TPR: variants seen among roughly 807,000 people sequenced by gnomAD.
TPR encodes nucleoprotein TPR.
Under a neutral mutation model 316.1 loss-of-function variants are expected in TPR, and 51 were observed. That is an observed-to-expected ratio of 0.16 (90% CI 0.13 to 0.20). The LOEUF (loss-of-function observed/expected upper bound fraction) is 0.20, where lower values mean the gene tolerates loss of function less well. Ranked by LOEUF, TPR falls within the 10% of genes least tolerant of loss-of-function variation. The pLI is 1.00. For missense variants in TPR, 2,272 were observed against 2,754.8 expected (o/e 0.82, Z 3.92); for synonymous variants, 981 against 914.7 (o/e 1.07, Z -1.31).
At chr1:186,358,860 T>C (rs1220450073) in intron 12 of TPR, among the ~76,000 whole-genome samples, 1 of 152,120 alleles carries the variant, frequency 6.6e-6, no homozygotes, top group East Asian at 1.9e-4. Context: ...GGTAAAACCC[T>C]CACTTTCAAC....
intron 1 of TPR, among the ~76,000 whole-genome samples, chr1:186,374,293 G>T (rs1189145982): frequency 6.6e-6 from 1 of 152,036 alleles, no homozygotes; most frequent in Non-Finnish European, 1.5e-5. Context: ...GTAATTACAA[G>T]AAAATTTTAA....
intron 32 of TPR, 40 bp from the exon 33 acceptor site, chr1:186,336,734 A>C: frequency 6.3e-7 from 1 of 1,580,662 alleles, no homozygotes; most frequent in Non-Finnish European, 8.6e-7. Flanking sequence ...GAATTCAATC[A>C]TTTCAATATA....
intron 4 of TPR, among the ~76,000 whole-genome samples, chr1:186,363,848 C>G (rs76469621): frequency 0.19 from 28,441 of 152,060 alleles, 3,017 homozygotes; most frequent in African/African-American, 0.29. Flanking sequence ...ACAAACACTA[C>G]ACAACCCTAT....
rs1473409020 is a variant in TPR at position 186,346,277 on chromosome 1, T to A, written c.2954A>T (p.Glu985Val). 3 of 1,612,456 alleles carry A rather than the reference T, an allele frequency of 1.9e-6. No individual in the cohort carries two copies. Among genetic ancestry groups the A allele is most frequent in the South Asian group, 2.2e-5 (2 of 90,940 alleles). Residue 985 changes from glutamate to valine, a missense_variant, in exon 23 of 51, where the codon GAA becomes GTA. Around this residue, in one of 10 missense-constraint regions of TPR, gnomAD observed 757 missense variants for 859.8 expected, o/e 0.88. Coordinates refer to ENST00000367478, the MANE Select transcript of TPR (RefSeq NM_003292.3). Reference protein sequence around the residue: ...SLNKEKQVTEEVRKNIEVRLK... With the variant: ...SLNKEKQVTEVVRKNIEVRLK... ...ACGAACTTCAATATTCTTACGCACT[T>A]CTTCTGTCACCTTTACCATATTACA...
rs1571597296 is a variant in TPR at position 186,318,599 on chromosome 1, A to G, written c.6669T>C (p.Thr2223=). ...CAGAGGTGGTGCTCTCAGTAAATAC[A>G]GTCACTTTAAAAAGACAACACAAGA... ...TTPLQVAAPV[T]VFTESTTSDA... The change falls in exon 48 of 51, where the codon ACT becomes ACC. Residue 2223 remains threonine, a synonymous_variant. Coordinates refer to ENST00000367478, the MANE Select transcript of TPR (RefSeq NM_003292.3). The G allele has an allele frequency of 4.4e-6, 7 of 1,607,366 alleles. No homozygotes were observed. The highest frequency in any genetic ancestry group is 1.3e-5 in the African/African-American group (1 of 74,466).
intron 2 of TPR, among the ~76,000 whole-genome samples, chr1:186,372,513 G>C (rs891341568): frequency 6.6e-6 from 1 of 151,824 alleles, no homozygotes; most frequent in African/African-American, 2.4e-5. Flanking sequence ...CTGCATTCCA[G>C]CCTGGGCAAC....
At chr1:186,336,944 T>C (rs970308144) in intron 32 of TPR, 69 bp downstream of exon 32, 17 of 1,593,090 alleles carry the variant, frequency 1.1e-5, no homozygotes, top group Admixed American at 5.1e-5. Context: ...AAAGTGTCAG[T>C]AGTTAACACA....
At chr1:186,343,588 T>G (rs1428385844) in intron 26 of TPR, 115 bp from the exon 27 acceptor site, 1 of 940,254 alleles carries the variant, frequency 1.1e-6, no homozygotes, top group Non-Finnish European at 1.5e-6. Flanking sequence ...ATTACACGTT[T>G]TCATTAATAA....
intron 20 of TPR, among the ~76,000 whole-genome samples, chr1:186,350,675 G>A (rs1017577455): frequency 2.6e-5 from 4 of 152,160 alleles, no homozygotes; most frequent in African/African-American, 9.7e-5. Flanking sequence ...GAGACTCTCT[G>A]AATTGAGAAC....
rs777067069 is a variant in TPR, at chr1:186,318,834, G to A, written c.6569-6C>T. 9 of 1,611,860 alleles carry A rather than the reference G, an allele frequency of 5.6e-6. No individual in the cohort carries two copies. In the Admixed American group the frequency reaches 1.5e-4, roughly 27 times the overall value. On this transcript the variant is annotated splice_polypyrimidine_tract_variant and splice_region_variant and intron_variant, in intron 46 of 50. Transcript: ENST00000367478. ...TGTTTCATACATTCCTAAACCTAAA[G>A]ACAATTCTGAATATTAATGAATGAC...
intron 5 of TPR, 138 bp from the exon 6 acceptor site, chr1:186,363,139 G>C (rs1339214292): frequency 7.3e-6 from 8 of 1,091,498 alleles, no homozygotes; most frequent in Non-Finnish European, 1.0e-5. Context: ...TTCTTAACTA[G>C]AAAACATTAA....
In TPR at chr1:186,337,108, C is replaced by A. The variant is rs773346124; in HGVS notation, c.4411G>T (p.Val1471Phe). The A allele has an allele frequency of 6.2e-7, 1 of 1,613,834 alleles. No individual in the cohort carries two copies. Among genetic ancestry groups the A allele is most frequent in the South Asian group, 1.1e-5 (1 of 91,080 alleles). Residue 1471 changes from valine (V) to phenylalanine (F), a missense_variant, in exon 32 of 51, where the codon GTT becomes TTT. Around this residue, in one of 10 missense-constraint regions of TPR, gnomAD observed 101 missense variants for 113.0 expected, o/e 0.89. Coordinates refer to ENST00000367478, the MANE Select transcript of TPR (RefSeq NM_003292.3). ...QSSGDHQEQH[V>F]SVQEMQELKE... ...AGTTCCTGCATTTCCTGGACTGAAA[C>A]ATGCTGCTCCTGATGGTCTCCAGAG...
intron 1 of TPR, 60 bp downstream of exon 1, chr1:186,374,818 C>G (rs577955240): frequency 2.6e-6 from 4 of 1,541,280 alleles, no homozygotes; most frequent in South Asian, 1.2e-5. Flanking sequence ...TGGGGGAAGA[C>G]CAGACCCAAA....
chr1:186,349,730 A>G (rs183808846), intron 21 of TPR, among the ~76,000 whole-genome samples: 1 of 152,188 alleles, frequency 6.6e-6, no homozygotes, highest in Admixed American at 6.5e-5. Context: ...AAGGCTTCGA[A>G]CTTGAAAGAT....
In TPR at chr1:186,332,259, G is replaced by C; in HGVS notation, c.5540C>G (p.Ser1847Cys). The C allele has an allele frequency of 6.2e-7, 1 of 1,612,742 alleles. No individual in the cohort carries two copies. The highest frequency in any genetic ancestry group is 8.5e-7 in the Non-Finnish European group (1 of 1,179,350). The change falls in exon 38 of 51, where the codon TCT becomes TGT. Residue 1847 changes from serine (S) to cysteine (C), a missense_variant. Ser to Cys is a moderately radical substitution (Grantham distance 112). Coordinates refer to ENST00000367478, the MANE Select transcript of TPR (RefSeq NM_003292.3). ...AAGAGGCATTTCCACTGTATCATCA[G>C]AGACTTGGTCTGATGCTTCTATGGT... Reference protein sequence around the residue: ...DSTIEASDQVSDDTVEMPLPK... With the variant: ...DSTIEASDQVCDDTVEMPLPK...
intron 39 of TPR, among the ~76,000 whole-genome samples, chr1:186,328,119 T>C (rs1453230075): frequency 2.0e-5 from 3 of 152,158 alleles, no homozygotes; most frequent in African/African-American, 7.2e-5. Context: ...CAAGTATTTT[T>C]GAAGAAAGAA....
chr1:186,335,255 A>T lies in TPR; in HGVS notation c.4911+83T>A, dbSNP rs530961843. The T allele has an allele frequency of 4.4e-5, 69 of 1,559,494 alleles. 1 individual carries two copies. The Admixed American group carries it at 6.0e-4, about 13-fold the overall frequency. ...TGAATTTTAGCCAAAATTCACTGAC[A>T]AAGGCTCCTATATCACCAAGCACTT... is the stretch of plus-strand genomic sequence containing the variant. On this transcript the variant is annotated intron_variant, in intron 34 of 50. Coordinates refer to ENST00000367478, the MANE Select transcript of TPR (RefSeq NM_003292.3).
chr1:186,345,743 C>G, intron 23 of TPR, 47 bp from the exon 24 acceptor site: 2 of 1,362,588 alleles, frequency 1.5e-6, no homozygotes, highest in Non-Finnish European at 2.1e-6. Context: ...TGCAAACTTA[C>G]TTGGAAAATA....
Position 186,318,555 on chromosome 1 carries a change from G to C in TPR, c.6713C>G (p.Ser2238Cys), listed in dbSNP as rs1043446715. ...TGTAGTCACCATTGGAACAGATTGA[G>C]AGGCATGTTCCGAAGCATCAGAGGT... ...STTSDASEHA[S>C]QSVPMVTTST... is the part of the protein sequence containing the mutation. Residue 2238 changes from serine (S) to cysteine (C), a missense_variant, in exon 48 of 51, where the codon TCT becomes TGT. Physicochemically the swap from Ser to Cys is moderately radical, Grantham distance 112. Transcript: ENST00000367478. 2 of 1,613,910 alleles carry C rather than the reference G, an allele frequency of 1.2e-6. No individual in the cohort carries two copies. Among genetic ancestry groups the C allele is most frequent in the Non-Finnish European group, 1.7e-6 (2 of 1,179,998 alleles).
Sources: gnomAD v4.1 joint callset for allele counts (sites outside exome capture counted in the v4.1 genomes callset) on GRCh38, gnomAD v4.1.1 for gene constraint, gnomAD v4.1.1 regional missense constraint, MANE v1.5 for transcripts, NCBI Gene and HGNC (gene_info 2026-07-23, HGNC 2026-07-21) for gene names.